SEPHS1: variants seen among roughly 807,000 people sequenced by gnomAD.
The protein encoded by SEPHS1 is zincore component SEPHS1.
Under a neutral mutation model 39.2 loss-of-function variants are expected in SEPHS1, and 7 were observed. The observed-to-expected ratio is 0.18, with a 90% CI of 0.10 to 0.34. SEPHS1 has a LOEUF of 0.34. Ranked by LOEUF, SEPHS1 falls within the 10% of genes least tolerant of loss-of-function variation. The pLI, the probability that SEPHS1 is intolerant of heterozygous loss-of-function variation, is 1.00. For missense variants in SEPHS1, 253 were observed against 514.5 expected, an observed-to-expected ratio of 0.49 and a Z score of 4.92; for synonymous variants, 190 against 195.5, an observed-to-expected ratio of 0.97 and a Z score of 0.23.
At chr10:13,338,920 G>T (rs1212130886) in intron 2 of SEPHS1, 112 bp from the exon 3 acceptor site, 3 of 783,748 alleles carry the variant, frequency 3.8e-6, no homozygotes, top group African/African-American at 1.7e-5. Flanking sequence ...GGAAACTGCA[G>T]GCTGCCAATG....
intron 1 of SEPHS1, among the ~76,000 whole-genome samples, chr10:13,347,671 G>A (rs1292158887): frequency 1.4e-5 from 2 of 146,860 alleles, no homozygotes; most frequent in African/African-American, 4.9e-5. Context: ...ACGGGCCGCC[G>A]CCGCCGCCGC....
intron 5 of SEPHS1, among the ~76,000 whole-genome samples, chr10:13,330,829 TTTTTTTTAAA>T (rs1315194955): frequency 8.3e-6 from 1 of 121,182 alleles, no homozygotes; most frequent in Non-Finnish European, 1.9e-5. Flanking sequence ...TTGATGTTCT[TTTTTTTTAAA>T]TTTTTTAAAA....
chr10:13,347,035 G>A (rs1300578364), intron 1 of SEPHS1, among the ~76,000 whole-genome samples: 1 of 152,152 alleles, frequency 6.6e-6, no homozygotes, highest in Non-Finnish European at 1.5e-5. Flanking sequence ...GGGGAAATGT[G>A]CAGTGATTAG....
In SEPHS1 at chr10:13,338,692, G is replaced by T. The variant is rs112366817; in HGVS notation, c.297+13C>A. The T allele has an allele frequency of 1.9e-6, 3 of 1,601,160 alleles. No individual in the cohort carries two copies. The African/African-American group carries it at 4.0e-5, about 21-fold the overall frequency. Reference sequence around the variant, plus strand: ...GCCCTTCCAGTCACAAAAACACATCGGCTCACGCTTACCATCATGTAAGGG... The same window carrying T: ...GCCCTTCCAGTCACAAAAACACATCTGCTCACGCTTACCATCATGTAAGGG... On this transcript the variant is annotated intron_variant, in intron 3 of 8. Transcript: ENST00000327347.
At chr10:13,339,128 G>A (rs1833720280) in intron 2 of SEPHS1, among the ~76,000 whole-genome samples, 1 of 152,144 alleles carries the variant, frequency 6.6e-6, no homozygotes, top group Admixed American at 6.5e-5. Flanking sequence ...ACTGTAGCGT[G>A]TGACTGGTAC....
intron 7 of SEPHS1, among the ~76,000 whole-genome samples, chr10:13,324,784 G>T (rs1833218088): frequency 6.6e-6 from 1 of 152,126 alleles, no homozygotes; most frequent in Admixed American, 6.5e-5. Flanking sequence ...CTAATTTTTT[G>T]TATTTTTTTG....
rs1833884889 is a variant in SEPHS1, at chr10:13,345,004, T to A, written c.-54A>T. On this transcript the variant is annotated 5_prime_UTR_variant, in exon 2 of 9. Coordinates refer to ENST00000327347, the MANE Select transcript of SEPHS1 (RefSeq NM_012247.5). ...TCAGCCCCTCCCCTCCCTCTGCGGG[T>A]TGGCTGGGTTCTTTATGGATCCACC... 7.3e-7 allele frequency: 1 copy of A among 1,376,000 alleles called. No individual in the cohort carries two copies. 85.2% of individuals were successfully genotyped at this position (1,376,000 alleles called of 1,614,324 possible).
chr10:13,319,457 G>T (rs1225935467), intron 8 of SEPHS1, 101 bp from the exon 9 acceptor site: 2 of 1,194,182 alleles, frequency 1.7e-6, no homozygotes, highest in Non-Finnish European at 2.4e-6. Context: ...ACAACTTGCT[G>T]CCACCTATAT....
chr10:13,347,909 G>A (rs1833981399), intron 1 of SEPHS1, 91 bp downstream of exon 1: 4 of 146,330 alleles, frequency 2.7e-5, no homozygotes, highest in South Asian at 2.1e-4. Context: ...CGGGCGGCCC[G>A]GAGGGGGATT....
At chr10:13,343,523 G>T (rs1393246346) in intron 2 of SEPHS1, among the ~76,000 whole-genome samples, 2 of 152,050 alleles carry the variant, frequency 1.3e-5, no homozygotes, top group African/African-American at 4.8e-5. Flanking sequence ...CAAATGAAAT[G>T]AAAACCTTGG....
chr10:13,345,239 C>G, intron 1 of SEPHS1: 1 of 245,846 alleles, frequency 4.1e-6, no homozygotes, highest in Non-Finnish European at 7.7e-6. Context: ...AATCTGACAT[C>G]TGGACTGTGG....
In SEPHS1 at chr10:13,336,542, C is replaced by T. The variant is rs1376463664; in HGVS notation, c.298-192G>A. The T allele has an allele frequency of 1.7e-5, 10 of 596,920 alleles. No homozygotes were observed. In the East Asian group the frequency reaches 2.2e-4, roughly 13 times the overall value. 37.0% of individuals were successfully genotyped at this position (596,920 alleles called of 1,614,324 possible). On this transcript the variant is annotated intron_variant, in intron 3 of 8. Coordinates refer to ENST00000327347, the MANE Select transcript of SEPHS1 (RefSeq NM_012247.5). ...TGCATCACAGAGTCACTAGGCCATTCGTTTTTTCTCAGACATTCCTGTTAC... is the reference window on the plus strand; with the variant it reads ...TGCATCACAGAGTCACTAGGCCATTTGTTTTTTCTCAGACATTCCTGTTAC...
chr10:13,347,223 G>C (rs553215165), intron 1 of SEPHS1: 1 of 152,116 alleles, frequency 6.6e-6, no homozygotes, highest in Non-Finnish European at 1.5e-5. Context: ...GGGGAGCCGG[G>C]GAGCCGGTCA....
At chr10:13,322,796 C>T (rs758859831) in intron 8 of SEPHS1, 39 bp downstream of exon 8, 65 of 1,584,800 alleles carry the variant, frequency 4.1e-5, no homozygotes, top group Non-Finnish European at 5.1e-5. Flanking sequence ...TTCTGTTAGC[C>T]TCACTATTTA....
intron 8 of SEPHS1, chr10:13,322,064 A>G (rs1478935795): frequency 4.4e-6 from 2 of 455,920 alleles, no homozygotes; most frequent in South Asian, 3.1e-5. Flanking sequence ...ATTACTGCAC[A>G]TCTAAGAAAA....
intron 8 of SEPHS1, among the ~76,000 whole-genome samples, chr10:13,320,649 G>C (rs542962484): frequency 6.6e-6 from 1 of 151,834 alleles, no homozygotes; most frequent in African/African-American, 2.4e-5. Flanking sequence ...TTCAAGACCA[G>C]CCTGGCCAAC....
intron 2 of SEPHS1, among the ~76,000 whole-genome samples, chr10:13,342,739 C>CT (rs954868189): frequency 3.0e-3 from 429 of 145,126 alleles, no homozygotes; most frequent in African/African-American, 6.6e-3. Context: ...AAACAGTAAT[C>CT]TTTTTTTTTT....
intron 3 of SEPHS1, 73 bp from the exon 4 acceptor site, chr10:13,336,423 G>T: frequency 9.1e-7 from 1 of 1,098,054 alleles, no homozygotes; most frequent in Non-Finnish European, 1.4e-6. Flanking sequence ...GAGCCATGGA[G>T]TGGACTCCAC....
At chr10:13,347,946 C>G (rs1217097158) in intron 1 of SEPHS1, 54 bp downstream of exon 1, 5 of 147,472 alleles carry the variant, frequency 3.4e-5, no homozygotes, top group Non-Finnish European at 7.6e-5. Flanking sequence ...GGCCTGCGGA[C>G]CCAGATTCCC....
Sources: allele counts gnomAD v4.1 joint callset (sites outside exome capture counted in the v4.1 genomes callset), GRCh38; gene constraint gnomAD v4.1.1; transcripts MANE v1.5; gene names NCBI Gene and HGNC (gene_info 2026-07-23, HGNC 2026-07-21).